ENPP4: variants seen among roughly 807,000 people sequenced by gnomAD.
ENPP4 encodes ectonucleotide pyrophosphatase/phosphodiesterase 4.
In ENPP4, 18 loss-of-function variants were observed where a neutral mutation model predicts 33.4. That is an observed-to-expected ratio of 0.54 (90% CI 0.37 to 0.80). The LOEUF (loss-of-function observed/expected upper bound fraction) is 0.80, where lower values mean the gene tolerates loss of function less well. Among genes scored for constraint, ENPP4 ranks in the 30% least tolerant of loss-of-function variants. ENPP4 has a pLI of 0.00. For synonymous variants in ENPP4, 172 were observed against 189.9 expected, an observed-to-expected ratio of 0.91 and a Z score of 0.78; for missense variants, 480 against 541.7, an observed-to-expected ratio of 0.89 and a Z score of 1.13.
chr6:46,132,227 C>T (rs1415913404), intron 1 of ENPP4, among the ~76,000 whole-genome samples: 7 of 152,008 alleles, frequency 4.6e-5, no homozygotes, highest in African/African-American at 1.2e-4. Context: ...GAAGTCCTTG[C>T]CCATGCCTAT....
chr6:46,132,896 A>G (rs1321861352), intron 1 of ENPP4, among the ~76,000 whole-genome samples: 1 of 151,656 alleles, frequency 6.6e-6, no homozygotes, highest in Non-Finnish European at 1.5e-5. Flanking sequence ...ATTCCTAGGT[A>G]TTTTATTCTC....
At position 46,144,876 on chromosome 6, in the gene ENPP4, A is replaced by G; in HGVS notation, c.*1236A>G. On this transcript the variant is annotated 3_prime_UTR_variant, in exon 4 of 4. Transcript: ENST00000321037. ...CTCCACTTTTTTCTCCAGTATTTGC[A>G]TCACAGAAATAATCCCTCTGTTTAA... is the stretch of plus-strand genomic sequence containing the variant. 1 of 395,712 alleles carries G rather than the reference A, an allele frequency of 2.5e-6. No individual in the cohort carries two copies. The highest frequency in any genetic ancestry group is 3.6e-5 in the East Asian group (1 of 27,970). 24.5% of individuals were successfully genotyped at this position (395,712 alleles called of 1,614,324 possible). A position where few individuals can be genotyped will look rare whatever the true frequency, so the allele number is the denominator to read the frequency against.
Position 46,145,529 on chromosome 6 carries a change from C to T in ENPP4, c.*1889C>T, listed in dbSNP as rs1764129481. The stretch of plus-strand genomic sequence containing the variant: ...GCAAATAGCATTGACACATTTAAAG[C>T]TTTTCATTTAAAGTAGTGGATGTTT... On this transcript the variant is annotated 3_prime_UTR_variant, in exon 4 of 4. Transcript: ENST00000321037. 6.6e-6 allele frequency: 1 copy of T among 151,746 alleles called. No individual in the cohort carries two copies. The allele number at this position is 151,746 out of a possible 1,614,324, so 9.4% of individuals were successfully genotyped here.
Position 46,143,712 on chromosome 6 carries a change from G to T in ENPP4, c.*72G>T, listed in dbSNP as rs547603160. On this transcript the variant is annotated 3_prime_UTR_variant, in exon 4 of 4. Transcript: ENST00000321037. ...AAGAATACATCCAAAGAATAGTGTT[G>T]TAACTATGAAAAAGAATACTTTGAA... 36 of 1,375,300 alleles carry T rather than the reference G, an allele frequency of 2.6e-5. No homozygotes were observed. The Middle Eastern group carries it at 7.8e-4, about 30-fold the overall frequency. The allele number at this position is 1,375,300 out of a possible 1,614,324, so 85.2% of individuals were successfully genotyped here.
chr6:46,141,026 C>G, intron 2 of ENPP4, 26 bp from the exon 3 acceptor site: 1 of 1,495,394 alleles, frequency 6.7e-7, no homozygotes, highest in Non-Finnish European at 9.0e-7. Flanking sequence ...AACTTGTTTC[C>G]TTTGCTGTTT....
Position 46,145,147 on chromosome 6 carries a change from A to G in ENPP4, c.*1507A>G. ...GTAACTGTTTTACAAATATAAAAGT[A>G]TAATAAATATGCAGCCCAGTTAAAT... is the stretch of plus-strand genomic sequence containing the variant. On this transcript the variant is annotated 3_prime_UTR_variant, in exon 4 of 4. Coordinates refer to ENST00000321037, the MANE Select transcript of ENPP4 (RefSeq NM_014936.5). 1 of 380,122 alleles carries G rather than the reference A, an allele frequency of 2.6e-6. No homozygotes were observed. Among genetic ancestry groups the G allele is most frequent in the Middle Eastern group, 6.7e-4 (1 of 1,496 alleles). 23.5% of individuals were successfully genotyped at this position (380,122 alleles called of 1,614,324 possible).
At chr6:46,131,477 G>A (rs1394341335) in intron 1 of ENPP4, among the ~76,000 whole-genome samples, 1 of 152,076 alleles carries the variant, frequency 6.6e-6, no homozygotes. Context: ...TCCCTACAAA[G>A]GACATGAACT....
rs1036447006 is a variant in ENPP4 at position 46,145,049 on chromosome 6, A to G, written c.*1409A>G. 5 of 395,152 alleles carry G rather than the reference A, an allele frequency of 1.3e-5. No homozygotes were observed. The highest frequency in any genetic ancestry group is 2.2e-5 in the Non-Finnish European group (5 of 223,538). The allele number at this position is 395,152 out of a possible 1,614,324, so 24.5% of individuals were successfully genotyped here. A position where few individuals can be genotyped will look rare whatever the true frequency, so the allele number is the denominator to read the frequency against. ...AGTAGGGGAAAAATTGGGCTCAAGA[A>G]CCATTCATCAGTACGTGAGACAAGC... On this transcript the variant is annotated 3_prime_UTR_variant, in exon 4 of 4. Coordinates refer to ENST00000321037, the MANE Select transcript of ENPP4 (RefSeq NM_014936.5).
rs1287239748 is a variant in ENPP4, at chr6:46,132,160, T to G, written c.-34+1971T>G. Among the ~76,000 whole-genome samples, 3 of 152,174 alleles carry G rather than the reference T, an allele frequency of 2.0e-5. 1 individual carries two copies. The highest frequency in any genetic ancestry group is 2.9e-5 in the Non-Finnish European group (2 of 68,006). Reference sequence around the variant, plus strand: ...CTGTGCAGAAGCTCTTTAGTTTAATTAGATCCCATTTGTCAATTTTGGCTT... The same window carrying G: ...CTGTGCAGAAGCTCTTTAGTTTAATGAGATCCCATTTGTCAATTTTGGCTT... On this transcript the variant is annotated intron_variant, in intron 1 of 3. Coordinates refer to ENST00000321037, the MANE Select transcript of ENPP4 (RefSeq NM_014936.5).
chr6:46,131,464 A>G (rs2127491456), intron 1 of ENPP4, among the ~76,000 whole-genome samples: 1 of 152,182 alleles, frequency 6.6e-6, no homozygotes, highest in Admixed American at 6.5e-5. Context: ...AATTTCATCC[A>G]TGTCCCTACA....
chr6:46,132,474 G>T (rs1163982573), intron 1 of ENPP4, among the ~76,000 whole-genome samples: 2 of 152,108 alleles, frequency 1.3e-5, no homozygotes. Context: ...TAGATATGCG[G>T]CGTTATTTCT....
chr6:46,132,598 A>G (rs1259843650), intron 1 of ENPP4, among the ~76,000 whole-genome samples: 1 of 152,160 alleles, frequency 6.6e-6, no homozygotes, highest in East Asian at 1.9e-4. Context: ...TGATGCCTCC[A>G]GCTTTGTTCT....
chr6:46,136,152 G>A (rs547220785), intron 1 of ENPP4, among the ~76,000 whole-genome samples: 1 of 152,100 alleles, frequency 6.6e-6, no homozygotes, highest in African/African-American at 2.4e-5. Flanking sequence ...GTTATTTGGT[G>A]TTGTAGAACA....
chr6:46,133,377 C>A (rs1429184210), intron 1 of ENPP4, among the ~76,000 whole-genome samples: 2 of 152,026 alleles, frequency 1.3e-5, no homozygotes, highest in South Asian at 4.1e-4. Context: ...TATTTATAGT[C>A]ATAGAATAAA....
At chr6:46,133,434 C>A (rs949971283) in intron 1 of ENPP4, among the ~76,000 whole-genome samples, 1 of 152,048 alleles carries the variant, frequency 6.6e-6, no homozygotes, top group Non-Finnish European at 1.5e-5. Context: ...GAGCAGATGG[C>A]GTGCTAATAG....
At position 46,145,052 on chromosome 6, in the gene ENPP4, A is replaced by G. The variant is rs1764123519; in HGVS notation, c.*1412A>G. Reference sequence around the variant, plus strand: ...AGGGGAAAAATTGGGCTCAAGAACCATTCATCAGTACGTGAGACAAGCAGT... The same window carrying G: ...AGGGGAAAAATTGGGCTCAAGAACCGTTCATCAGTACGTGAGACAAGCAGT... On this transcript the variant is annotated 3_prime_UTR_variant, in exon 4 of 4. Transcript: ENST00000321037. The G allele has an allele frequency of 1.0e-5, 4 of 394,978 alleles. No individual in the cohort carries two copies. The highest frequency in any genetic ancestry group is 1.8e-5 in the Non-Finnish European group (4 of 223,430). The allele number at this position is 394,978 out of a possible 1,614,324, so 24.5% of individuals were successfully genotyped here.
intron 1 of ENPP4, among the ~76,000 whole-genome samples, chr6:46,138,445 A>T (rs1418608210): frequency 6.6e-6 from 1 of 151,708 alleles, no homozygotes; most frequent in Non-Finnish European, 1.5e-5. Flanking sequence ...GTCAACATTG[A>T]CTCCAGTTCT....
At position 46,140,423 on chromosome 6, in the gene ENPP4, C is replaced by G; in HGVS notation, c.826+14C>G. 8 of 1,420,042 alleles carry G rather than the reference C, an allele frequency of 5.6e-6. No homozygotes were observed. Among genetic ancestry groups the G allele is most frequent in the Non-Finnish European group, 7.7e-6 (8 of 1,040,710 alleles). 88.0% of individuals were successfully genotyped at this position (1,420,042 alleles called of 1,614,324 possible). A position where few individuals can be genotyped will look rare whatever the true frequency, so the allele number is the denominator to read the frequency against. On this transcript the variant is annotated intron_variant, in intron 2 of 3. Transcript: ENST00000321037. ...TTCCCAAAATAAGTAAGTAAACATT[C>G]AACTGAGGGATACTATTATTCGAAT...
rs1764133912 is a variant in ENPP4 at position 46,145,915 on chromosome 6, T to G, written c.*2275T>G. On this transcript the variant is annotated 3_prime_UTR_variant, in exon 4 of 4. Coordinates refer to ENST00000321037, the MANE Select transcript of ENPP4 (RefSeq NM_014936.5). The stretch of plus-strand genomic sequence containing the variant: ...TAATTCATTTGTATCTTTTAAAAAA[T>G]TATCACTGTTAAAGCCATTGACTCC... The G allele has an allele frequency of 6.6e-6, 1 of 151,886 alleles. No individual in the cohort carries two copies. The highest frequency in any genetic ancestry group is 1.5e-5 in the Non-Finnish European group (1 of 67,876). 9.4% of individuals were successfully genotyped at this position (151,886 alleles called of 1,614,324 possible). A position where few individuals can be genotyped will look rare whatever the true frequency, so the allele number is the denominator to read the frequency against.
Sources: gnomAD v4.1 joint callset for allele counts (sites outside exome capture counted in the v4.1 genomes callset) on GRCh38, gnomAD v4.1.1 for gene constraint, MANE v1.5 for transcripts, NCBI Gene and HGNC (gene_info 2026-07-23, HGNC 2026-07-21) for gene names.